Variants in SLC2A14 observed in about 807,000 individuals in gnomAD.
SLC2A14 encodes the protein solute carrier family 2 member 14, also known as solute carrier family 2, facilitated glucose transporter member 14.
SLC2A14 carries 13 observed loss-of-function variants against 43.0 expected under a neutral mutation model. The observed-to-expected ratio is 0.30, with a 90% CI of 0.20 to 0.48. The LOEUF (loss-of-function observed/expected upper bound fraction) is 0.48, where lower values mean the gene tolerates loss of function less well. Among genes scored for constraint, SLC2A14 ranks in the 20% least tolerant of loss-of-function variants. The pLI is 0.99. For missense variants in SLC2A14, 428 were observed against 620.4 expected (o/e 0.69, Z 3.29); for synonymous variants, 190 against 233.8 (o/e 0.81, Z 1.71).
At chr12:7,826,211 G>T (rs2120729429) in intron 7 of SLC2A14, among the ~76,000 whole-genome samples, 1 of 124,426 alleles carries the variant, frequency 8.0e-6, no homozygotes, top group East Asian at 2.4e-4. Context: ...TAACTACTGT[G>T]TATTTCCTCC....
intron 1 of SLC2A14, among the ~76,000 whole-genome samples, chr12:7,888,812 A>AAG (rs1206699142): frequency 2.8e-5 from 4 of 143,872 alleles, no homozygotes; most frequent in Admixed American, 7.1e-5. Context: ...AAAAAAAAAA[A>AAG]AAAGAAAAAA....
At chr12:7,842,104 T>C (rs1456440450) in intron 2 of SLC2A14, among the ~76,000 whole-genome samples, 4 of 152,170 alleles carry the variant, frequency 2.6e-5, no homozygotes, top group Admixed American at 2.6e-4. Flanking sequence ...TTGCATAGTT[T>C]TGCCTTTTCC....
chr12:7,888,894 T>A (rs1453900492), intron 1 of SLC2A14, among the ~76,000 whole-genome samples: 1 of 152,018 alleles, frequency 6.6e-6, no homozygotes, highest in Admixed American at 6.6e-5. Flanking sequence ...CTACCTATGG[T>A]CACCTACTTA....
At chr12:7,838,559 G>A (rs1026095650) in intron 2 of SLC2A14, among the ~76,000 whole-genome samples, 1 of 152,024 alleles carries the variant, frequency 6.6e-6, no homozygotes, top group Non-Finnish European at 1.5e-5. Context: ...TGGTTTCCCA[G>A]GCTCAGTTTG....
intron 1 of SLC2A14, among the ~76,000 whole-genome samples, chr12:7,888,147 G>A (rs112901731): frequency 6.6e-6 from 1 of 152,010 alleles, no homozygotes; most frequent in African/African-American, 2.4e-5. Context: ...CCTTAATGCA[G>A]TGTCCCCCTC....
Position 7,884,945 on chromosome 12 carries a change from A to AT in SLC2A14, c.132+6050dup, listed in dbSNP as rs1041562247. Among the ~76,000 whole-genome samples, 6 of 150,032 alleles carry AT rather than the reference A, an allele frequency of 4.0e-5. No individual in the cohort carries two copies. In the South Asian group the frequency reaches 6.3e-4, roughly 16 times the overall value. ...AACAATATTGTTCAAGGTCAGGACT[A>AT]TTTTTTTTTTCCTCATATTTTTCAG... is the stretch of plus-strand genomic sequence containing the variant. On this transcript the variant is annotated intron_variant, in intron 1 of 9. Transcript: ENST00000539924.
intron 1 of SLC2A14, among the ~76,000 whole-genome samples, chr12:7,884,622 G>T (rs763377686): frequency 6.6e-6 from 1 of 152,106 alleles, no homozygotes; most frequent in African/African-American, 2.4e-5. Flanking sequence ...TGTCATAGGT[G>T]CTGGACTTCT....
At position 7,829,795 on chromosome 12, in the gene SLC2A14, C is replaced by T; in HGVS notation, c.484G>A (p.Gly162Ser). 1.2e-6 allele frequency: 2 copies of T among 1,614,148 alleles called. No individual in the cohort carries two copies. The highest frequency in any genetic ancestry group is 2.2e-5 in the South Asian group (2 of 91,086). ...GCCACCAGAATTCCAATAACTATGC[C>T]CAGCTGGTTGAGAGTGCCAAAGGCA... is the stretch of plus-strand genomic sequence containing the variant. ...RGAFGTLNQL[G>S]IVIGILVAQI... The change falls in exon 5 of 11, where the codon GGC becomes AGC. Residue 162 changes from glycine to serine, a missense_variant. Gly to Ser is a moderately conservative substitution (Grantham distance 56). This residue lies in a region of SLC2A14 where 185 missense variants were observed against 275.4 expected (regional missense o/e 0.67). Coordinates refer to ENST00000431042, the MANE Select transcript of SLC2A14 (RefSeq NM_001286234.2).
Position 7,813,341 on chromosome 12 carries a change from T to C in SLC2A14, c.*975A>G, listed in dbSNP as rs190162193. The C allele has an allele frequency of 2.0e-5, 3 of 152,290 alleles. No homozygotes were observed. The highest frequency in any genetic ancestry group is 2.0e-4 in the Admixed American group (3 of 15,254). The allele number at this position is 152,290 out of a possible 1,614,324, so 9.4% of individuals were successfully genotyped here. ...ATAGGTGGCGGGATTACTTCAAAAGTAATGAGACTACTACAAGGAGTTATT... is the reference window on the plus strand; with the variant it reads ...ATAGGTGGCGGGATTACTTCAAAAGCAATGAGACTACTACAAGGAGTTATT... On this transcript the variant is annotated 3_prime_UTR_variant, in exon 11 of 11. Transcript: ENST00000431042.
chr12:7,882,001 C>T (rs1047194682), intron 1 of SLC2A14, among the ~76,000 whole-genome samples: 27 of 152,196 alleles, frequency 1.8e-4, no homozygotes, highest in African/African-American at 6.0e-4. Flanking sequence ...TACCAATCAG[C>T]AGGATGTGGG....
chr12:7,826,918 TC>T lies in SLC2A14; in HGVS notation c.864+576del, dbSNP rs1221717507. On this transcript the variant is annotated intron_variant, in intron 7 of 10. Transcript: ENST00000431042. ...CTTTCTTTCTTTCTTTCTTTCTTTT[TC>T]CTTTTTCTTTCCTTTCCTTTCCTTT... 1.0e-3 allele frequency among the ~76,000 whole-genome samples: 124 copies of T among 120,244 alleles called. 3 individuals are homozygous for T. The highest frequency in any genetic ancestry group is 3.2e-3 in the African/African-American group (107 of 33,498). 78.9% of individuals were successfully genotyped at this position (120,244 alleles called of 152,430 possible). A position where few individuals can be genotyped will look rare whatever the true frequency, so the allele number is the denominator to read the frequency against.
At chr12:7,842,725 T>C (rs1172982211) in intron 2 of SLC2A14, among the ~76,000 whole-genome samples, 4 of 151,008 alleles carry the variant, frequency 2.6e-5, no homozygotes, top group South Asian at 2.1e-4. Context: ...TTTTTCTCTT[T>C]TTTTTTTTTT....
At chr12:7,836,068 T>C (rs985250004) in intron 2 of SLC2A14, among the ~76,000 whole-genome samples, 2 of 152,128 alleles carry the variant, frequency 1.3e-5, no homozygotes, top group African/African-American at 2.4e-5. Flanking sequence ...CTCTCCCTTC[T>C]TCAAAAATGA....
chr12:7,886,750 G>C (rs771189944), intron 1 of SLC2A14, among the ~76,000 whole-genome samples: 1 of 151,886 alleles, frequency 6.6e-6, no homozygotes, highest in Admixed American at 6.6e-5. Context: ...CAGTGTAGGG[G>C]ACCTAAGGCA....
intron 2 of SLC2A14, among the ~76,000 whole-genome samples, chr12:7,869,600 C>G (rs1945117972): frequency 6.6e-6 from 1 of 152,144 alleles, no homozygotes; most frequent in Non-Finnish European, 1.5e-5. Flanking sequence ...AATTACAATG[C>G]TGATCATAAA....
At chr12:7,871,766 T>C (rs3923482) in intron 1 of SLC2A14, 139,235 of 314,924 alleles carry the variant, frequency 0.44, 29,790 homozygotes, top group Admixed American at 0.46. Context: ...TCCAATACCA[T>C]TTCACATGCA....
chr12:7,882,362 A>G (rs915249432), intron 1 of SLC2A14, among the ~76,000 whole-genome samples: 1 of 152,022 alleles, frequency 6.6e-6, no homozygotes, highest in Non-Finnish European at 1.5e-5. Context: ...TCTGAACATC[A>G]GAAGGAACAA....
intron 1 of SLC2A14, among the ~76,000 whole-genome samples, chr12:7,884,980 A>G (rs1477348571): frequency 6.6e-6 from 1 of 152,100 alleles, no homozygotes; most frequent in Non-Finnish European, 1.5e-5. Context: ...GGAACCAAAA[A>G]ACGATCAGGA....
chr12:7,845,522 G>C (rs950194563), intron 2 of SLC2A14, among the ~76,000 whole-genome samples: 1 of 151,930 alleles, frequency 6.6e-6, no homozygotes, highest in Admixed American at 6.6e-5. Context: ...GCTTACGCCT[G>C]TAATCCCAGT....
Sources: gnomAD v4.1 joint callset for allele counts (sites outside exome capture counted in the v4.1 genomes callset) on GRCh38, gnomAD v4.1.1 for gene constraint, gnomAD v4.1.1 regional missense constraint, MANE v1.5 for transcripts, NCBI Gene and HGNC (gene_info 2026-07-23, HGNC 2026-07-21) for gene names.